BCAS3: variants seen among roughly 807,000 people sequenced by gnomAD.
BCAS3 encodes the protein BCAS3 microtubule associated cell migration factor.
In BCAS3, 53 loss-of-function variants were observed where a neutral mutation model predicts 116.1. That is an observed-to-expected ratio of 0.46 (90% CI 0.37 to 0.57). The LOEUF is 0.57. Ranked by LOEUF, BCAS3 falls within the 20% of genes least tolerant of loss-of-function variation. BCAS3 has a pLI of 0.00. For synonymous variants in BCAS3, 391 were observed against 408.2 expected (o/e 0.96, Z 0.51); for missense variants, 917 against 1,165.4 (o/e 0.79, Z 3.10).
chr17:60,854,610 G>A (rs2053492467), intron 7 of BCAS3, among the ~76,000 whole-genome samples: 1 of 152,132 alleles, frequency 6.6e-6, no homozygotes, highest in Non-Finnish European at 1.5e-5. Flanking sequence ...ATTATCACTG[G>A]CCATCAGAGA....
At chr17:60,974,147 A>G (rs1356152447) in intron 14 of BCAS3, among the ~76,000 whole-genome samples, 2 of 152,138 alleles carry the variant, frequency 1.3e-5, no homozygotes, top group East Asian at 3.8e-4. Context: ...AAGTTTAACA[A>G]TCTCTGCTTC....
At chr17:60,810,885 C>G (rs530886162) in intron 7 of BCAS3, 1 of 702,518 alleles carries the variant, frequency 1.4e-6, no homozygotes, top group East Asian at 2.8e-5. Flanking sequence ...TAGATGCCCC[C>G]AAATCTCAGG....
intron 2 of BCAS3, among the ~76,000 whole-genome samples, chr17:60,680,943 G>A (rs762940290): frequency 1.2e-4 from 19 of 152,164 alleles, no homozygotes; most frequent in Non-Finnish European, 2.4e-4. Flanking sequence ...CACTGTGCCT[G>A]GCCAAAGATA....
chr17:61,210,885 T>A (rs2081418867), intron 22 of BCAS3, among the ~76,000 whole-genome samples: 1 of 152,094 alleles, frequency 6.6e-6, no homozygotes, highest in South Asian at 2.1e-4. Flanking sequence ...GGGGTTATCA[T>A]GGGGAAACAA....
intron 22 of BCAS3, among the ~76,000 whole-genome samples, chr17:61,246,795 G>A (rs1434381064): frequency 9.7e-5 from 3 of 31,066 alleles, no homozygotes; most frequent in Non-Finnish European, 2.8e-4. Flanking sequence ...GAGTGAGAGT[G>A]TGTGTGTGTG....
chr17:60,981,852 A>T (rs566768428), intron 14 of BCAS3, among the ~76,000 whole-genome samples: 6 of 152,242 alleles, frequency 3.9e-5, no homozygotes, highest in African/African-American at 1.4e-4. Flanking sequence ...TAAGTAGTAG[A>T]TATATTTACT....
chr17:60,905,563 A>C (rs8071654), intron 11 of BCAS3, among the ~76,000 whole-genome samples: 4 of 151,990 alleles, frequency 2.6e-5, no homozygotes, highest in Admixed American at 6.6e-5. Flanking sequence ...TTTTGGGTCC[A>C]TTTCTCTTGT....
At chr17:61,001,567 AAATC>A in intron 15 of BCAS3, among the ~76,000 whole-genome samples, 1 of 152,178 alleles carries the variant, frequency 6.6e-6, no homozygotes, top group East Asian at 1.9e-4. Context: ...TTGCCAAGAA[AAATC>A]AATCAAGTGC....
intron 19 of BCAS3, among the ~76,000 whole-genome samples, chr17:61,052,715 CT>C (rs60772345): frequency 0.037 from 4,615 of 124,724 alleles, 140 homozygotes; most frequent in African/African-American, 0.12. Flanking sequence ...TTCTTTCTTT[CT>C]TTTTTTTTTT....
At chr17:60,771,956 T>C (rs1338571614) in intron 6 of BCAS3, among the ~76,000 whole-genome samples, 2 of 152,212 alleles carry the variant, frequency 1.3e-5, no homozygotes, top group African/African-American at 4.8e-5. Context: ...AGTCTATCAT[T>C]GATGGACATT....
intron 11 of BCAS3, among the ~76,000 whole-genome samples, chr17:60,906,920 T>C (rs1480153664): frequency 6.6e-6 from 1 of 152,166 alleles, no homozygotes; most frequent in African/African-American, 2.4e-5. Context: ...TCTCTGAAAG[T>C]GTAATCATTA....
chr17:61,086,716 G>A (rs1056886022), intron 22 of BCAS3: 3 of 985,154 alleles, frequency 3.0e-6, no homozygotes, highest in East Asian at 1.1e-4. Context: ...TTCATTCCAG[G>A]AAGCCATGGT....
At chr17:60,943,044 A>G (rs73322720) in intron 13 of BCAS3, among the ~76,000 whole-genome samples, 13,083 of 152,198 alleles carry the variant, frequency 0.086, 1,894 homozygotes, top group African/African-American at 0.3. Context: ...AACAATAAAT[A>G]TTGTTAAAAA....
At position 61,208,440 on chromosome 17, in the gene BCAS3, A is replaced by G. The variant is rs180905417; in HGVS notation, c.2425+123876A>G. Among the ~76,000 whole-genome samples the G allele has an allele frequency of 8.0e-4, 122 of 152,302 alleles. 2 individuals are homozygous for G. Among genetic ancestry groups the G allele is most frequent in the African/African-American group, 2.5e-3 (102 of 41,556 alleles). On this transcript the variant is annotated intron_variant, in intron 22 of 23. Coordinates refer to ENST00000407086, the MANE Select transcript of BCAS3 (RefSeq NM_017679.5). This position sits in a 1 kb window ranked among gnomAD's most constrained non-coding sequence, Gnocchi z 4.5. Reference sequence around the variant, plus strand: ...CACCGAAGAAATGAAATGTGCTAGTAAGTGTCGTTAAAAAACTGAGAGTTT... The same window carrying G: ...CACCGAAGAAATGAAATGTGCTAGTGAGTGTCGTTAAAAAACTGAGAGTTT...
At position 60,868,617 on chromosome 17, in the gene BCAS3, G is replaced by C; in HGVS notation, c.518G>C (p.Arg173Pro). 1 of 1,605,034 alleles carries C rather than the reference G, an allele frequency of 6.2e-7. No individual in the cohort carries two copies. The highest frequency in any genetic ancestry group is 8.5e-7 in the Non-Finnish European group (1 of 1,176,760). Residue 173 changes from arginine (R) to proline (P), a missense_variant, in exon 8 of 24, where the codon CGT becomes CCT. Arg to Pro is a moderately radical substitution (Grantham distance 103, BLOSUM62 -2). Coordinates refer to ENST00000407086, the MANE Select transcript of BCAS3 (RefSeq NM_017679.5). ...TGTTGTGTGGATCTGTATTCACTTCGTACTGGGGAGATGGTCAAGTCCATT... is the reference window on the plus strand; with the variant it reads ...TGTTGTGTGGATCTGTATTCACTTCCTACTGGGGAGATGGTCAAGTCCATT... ...PYCCVDLYSL[R>P]TGEMVKSIQF...
At position 60,965,226 on chromosome 17, in the gene BCAS3, A is replaced by ATT. The variant is rs142254431; in HGVS notation, c.1221+17893_1221+17894dup. On this transcript the variant is annotated intron_variant, in intron 14 of 23. Coordinates refer to ENST00000407086, the MANE Select transcript of BCAS3 (RefSeq NM_017679.5). ...TATCCCATAGGTTTTGGTATATTGA[A>ATT]TTTTTTTTTTTTTTTTTTTTGAGAT... is the stretch of plus-strand genomic sequence containing the variant. Among the ~76,000 whole-genome samples the ATT allele has an allele frequency of 3.2e-3, 426 of 131,530 alleles. 2 individuals are homozygous for ATT. Among genetic ancestry groups the ATT allele is most frequent in the African/African-American group, 0.01 (368 of 35,328 alleles). The allele number at this position is 131,530 out of a possible 152,430, so 86.3% of individuals were successfully genotyped here. A position where few individuals can be genotyped will look rare whatever the true frequency, so the allele number is the denominator to read the frequency against.
rs866128350 is a variant in BCAS3 at position 61,147,708 on chromosome 17, G to A, written c.2425+63144G>A. On this transcript the variant is annotated intron_variant, in intron 22 of 23. Coordinates refer to ENST00000407086, the MANE Select transcript of BCAS3 (RefSeq NM_017679.5). ...ACCTTAGAAATGTATAAGTTGGGGC[G>A]GGGCACCGTGGCTCACGCCTGTAAT... Among the ~76,000 whole-genome samples, 54 of 152,138 alleles carry A rather than the reference G, an allele frequency of 3.5e-4. 1 individual carries two copies. Among genetic ancestry groups the A allele is most frequent in the Admixed American group, 4.6e-4 (7 of 15,268 alleles).
chr17:61,089,649 C>G (rs1415971660), intron 22 of BCAS3, among the ~76,000 whole-genome samples: 4 of 150,922 alleles, frequency 2.7e-5, no homozygotes. Context: ...CCTGCCTCAG[C>G]CTCCCAAGTA....
chr17:61,392,222 T>G lies in BCAS3; in HGVS notation c.*97T>G. On this transcript the variant is annotated 3_prime_UTR_variant, in exon 24 of 24. Transcript: ENST00000407086. This position sits in a 1 kb window ranked among gnomAD's most constrained non-coding sequence, Gnocchi z 6.4. ...CTACCCTTCAGTCTCTGCTCTTCCT[T>G]CATCAACCACCTTCCCCAAGCTTAG... 1.4e-6 allele frequency: 2 copies of G among 1,401,806 alleles called. No homozygotes were observed. Among genetic ancestry groups the G allele is most frequent in the Non-Finnish European group, 1.9e-6 (2 of 1,033,826 alleles). The allele number at this position is 1,401,806 out of a possible 1,614,324, so 86.8% of individuals were successfully genotyped here.
Sources: allele counts gnomAD v4.1 joint callset (sites outside exome capture counted in the v4.1 genomes callset), GRCh38; gene constraint gnomAD v4.1.1; non-coding constraint Gnocchi (gnomAD v3.1); transcripts MANE v1.5; gene names NCBI Gene and HGNC (gene_info 2026-07-23, HGNC 2026-07-21).